Variants in SOX5 observed in about 807,000 individuals in gnomAD.
SOX5 encodes transcription factor SOX-5.
A neutral mutation model predicts 92.0 loss-of-function variants in SOX5; 9 were observed. The ratio of observed to expected loss-of-function variants is 0.10; its 90% CI spans 0.06 to 0.17. The LOEUF (loss-of-function observed/expected upper bound fraction) is 0.17. Among genes scored for constraint, SOX5 ranks in the 10% least tolerant of loss-of-function variants. The pLI is 1.00. For missense variants in SOX5, 642 were observed against 944.5 expected (o/e 0.68, Z 4.20); for synonymous variants, 344 against 336.3 (o/e 1.02, Z -0.25).
chr12:24,335,447 C>T (rs540146460), intron 2 of SOX5, among the ~76,000 whole-genome samples: 5 of 152,246 alleles, frequency 3.3e-5, no homozygotes, highest in South Asian at 2.1e-4. Context: ...ACATTATCAA[C>T]TTACCTAATC....
intron 9 of SOX5, among the ~76,000 whole-genome samples, chr12:23,581,400 T>G (rs539094644): frequency 5.4e-4 from 82 of 152,150 alleles, no homozygotes; most frequent in Admixed American, 9.8e-4. Context: ...TATTCACATC[T>G]TTATTCATTC....
At chr12:23,970,841 A>ATATATATATATATATATATAATTT in intron 4 of SOX5, among the ~76,000 whole-genome samples, 2 of 21,878 alleles carry the variant, frequency 9.1e-5, no homozygotes, top group African/African-American at 2.5e-4. Flanking sequence ...TATATATATA[A>ATATATATATATATATATATAATTT]TTTTTTTTTT....
intron 3 of SOX5, among the ~76,000 whole-genome samples, chr12:23,842,693 C>T (rs1004528570): frequency 1.3e-5 from 2 of 152,024 alleles, no homozygotes; most frequent in Non-Finnish European, 2.9e-5. Context: ...ACCACAAGCA[C>T]AATAGTGGTA....
At chr12:24,453,533 A>G (rs780572531) in intron 1 of SOX5, among the ~76,000 whole-genome samples, 1 of 152,222 alleles carries the variant, frequency 6.6e-6, no homozygotes, top group Admixed American at 6.5e-5. Context: ...CTTATAGACC[A>G]GGAGAGCCTC....
rs988303344 is a variant in SOX5 at position 23,530,695 on chromosome 12, G to A, written c.*3524C>T. 1 of 151,976 alleles carries A rather than the reference G, an allele frequency of 6.6e-6. No individual in the cohort carries two copies. The highest frequency in any genetic ancestry group is 2.4e-5 in the African/African-American group (1 of 41,400). 9.4% of individuals were successfully genotyped at this position (151,976 alleles called of 1,614,324 possible). ...GAGTAACTTTATTTTCTCCGGTAATGTTCTCTTAGATTCATATGAAAACAG... is the reference window on the plus strand; with the variant it reads ...GAGTAACTTTATTTTCTCCGGTAATATTCTCTTAGATTCATATGAAAACAG... On this transcript the variant is annotated 3_prime_UTR_variant, in exon 15 of 15. Coordinates refer to ENST00000451604, the MANE Select transcript of SOX5 (RefSeq NM_006940.6).
intron 3 of SOX5, among the ~76,000 whole-genome samples, chr12:23,778,257 T>C (rs1015786949): frequency 9.2e-5 from 14 of 152,230 alleles, no homozygotes; most frequent in African/African-American, 2.7e-4. Flanking sequence ...ATTCAACTAG[T>C]TCTATTCAAC....
intron 3 of SOX5, among the ~76,000 whole-genome samples, chr12:23,765,774 T>C (rs1023115226): frequency 6.6e-6 from 1 of 152,118 alleles, no homozygotes; most frequent in Non-Finnish European, 1.5e-5. Flanking sequence ...TTTGCACAGT[T>C]CACACAAACA....
intron 2 of SOX5, among the ~76,000 whole-genome samples, chr12:24,361,655 A>G (rs1955573278): frequency 6.6e-6 from 1 of 151,670 alleles, no homozygotes; most frequent in Non-Finnish European, 1.5e-5. Context: ...GTGCGCATGC[A>G]CGTGCGCACA....
At chr12:23,710,295 G>A (rs2091911885) in intron 6 of SOX5, among the ~76,000 whole-genome samples, 1 of 152,034 alleles carries the variant, frequency 6.6e-6, no homozygotes, top group African/African-American at 2.4e-5. Flanking sequence ...CAACGTGCAG[G>A]TTTGTTACAT....
chr12:24,475,484 G>A (rs1221989400), intron 1 of SOX5, among the ~76,000 whole-genome samples: 1 of 152,168 alleles, frequency 6.6e-6, no homozygotes. Context: ...GTAGTGATGA[G>A]AGTGATGTGA....
intron 1 of SOX5, among the ~76,000 whole-genome samples, chr12:24,501,491 T>C (rs1948199807): frequency 6.6e-6 from 1 of 152,104 alleles, no homozygotes; most frequent in Non-Finnish European, 1.5e-5. Context: ...TTTGCTTTTG[T>C]TTAAAAAAAA....
intron 3 of SOX5, among the ~76,000 whole-genome samples, chr12:23,803,441 C>T (rs2095701113): frequency 6.6e-6 from 1 of 152,148 alleles, no homozygotes; most frequent in Non-Finnish European, 1.5e-5. Flanking sequence ...TTTTATCCTT[C>T]AATATTTCTG....
At chr12:24,504,343 G>A (rs1158532114) in intron 1 of SOX5, among the ~76,000 whole-genome samples, 2 of 152,224 alleles carry the variant, frequency 1.3e-5, no homozygotes, top group Non-Finnish European at 2.9e-5. Context: ...TGAAAATAAT[G>A]TCTTGTCTTC....
chr12:23,987,955 A>C (rs576899857), intron 4 of SOX5, among the ~76,000 whole-genome samples: 1 of 152,344 alleles, frequency 6.6e-6, no homozygotes, highest in Non-Finnish European at 1.5e-5. Context: ...GAAAAATGGA[A>C]GTAGAGAAAC....
At chr12:24,554,548 T>C (rs1420180055) in intron 1 of SOX5, among the ~76,000 whole-genome samples, 8 of 152,122 alleles carry the variant, frequency 5.3e-5, no homozygotes, top group Admixed American at 5.2e-4. Flanking sequence ...AGCTCTCTTT[T>C]CCTGCCTCCC....
At chr12:23,871,239 C>G (rs2096869216) in intron 2 of SOX5, among the ~76,000 whole-genome samples, 1 of 152,116 alleles carries the variant, frequency 6.6e-6, no homozygotes, top group Non-Finnish European at 1.5e-5. Flanking sequence ...CTGAATGAAA[C>G]CACCACCTAC....
intron 2 of SOX5, among the ~76,000 whole-genome samples, chr12:24,317,752 A>G (rs954519311): frequency 3.3e-5 from 5 of 151,944 alleles, no homozygotes; most frequent in African/African-American, 1.2e-4. Flanking sequence ...TCTATCAGCC[A>G]CCTCTTGGCT....
chr12:23,747,541 G>T (rs1172495309), intron 4 of SOX5, among the ~76,000 whole-genome samples: 1 of 152,022 alleles, frequency 6.6e-6, no homozygotes, highest in Non-Finnish European at 1.5e-5. Context: ...TTGTCAATAT[G>T]CTTCTATGAG....
At chr12:24,000,523 T>A (rs1320927194) in intron 4 of SOX5, among the ~76,000 whole-genome samples, 3 of 152,130 alleles carry the variant, frequency 2.0e-5, no homozygotes, top group Non-Finnish European at 2.9e-5. Flanking sequence ...TTGTAATCTC[T>A]ACAACACCAC....
Sources: gnomAD v4.1 joint callset for allele counts (sites outside exome capture counted in the v4.1 genomes callset) on GRCh38, gnomAD v4.1.1 for gene constraint, MANE v1.5 for transcripts, NCBI Gene and HGNC (gene_info 2026-07-23, HGNC 2026-07-21) for gene names.